OXCT1: variants seen among roughly 807,000 people sequenced by gnomAD.
The protein encoded by OXCT1 is 3-oxoacid CoA-transferase 1, also known as succinyl-CoA:3-ketoacid coenzyme A transferase 1, mitochondrial.
A neutral mutation model predicts 69.6 loss-of-function variants in OXCT1; 27 were observed. That is an observed-to-expected ratio of 0.39 (90% CI 0.29 to 0.54). The LOEUF (loss-of-function observed/expected upper bound fraction) is 0.54. Ranked by LOEUF, OXCT1 falls within the 20% of genes least tolerant of loss-of-function variation. The pLI is 0.72. For synonymous variants in OXCT1, 202 were observed against 217.8 expected, an observed-to-expected ratio of 0.93 and a Z score of 0.64; for missense variants, 437 against 650.2, an observed-to-expected ratio of 0.67 and a Z score of 3.57.
intron 14 of OXCT1, among the ~76,000 whole-genome samples, chr5:41,750,863 T>C (rs2112054698): frequency 6.6e-6 from 1 of 152,222 alleles, no homozygotes; most frequent in African/African-American, 2.4e-5. Context: ...AATAAAGGCA[T>C]GTAAGAATGA....
chr5:41,759,261 A>G (rs540331450), intron 14 of OXCT1, among the ~76,000 whole-genome samples: 98 of 152,150 alleles, frequency 6.4e-4, no homozygotes, highest in African/African-American at 2.3e-3. Flanking sequence ...TAATACCCAT[A>G]TCTCAACCTT....
intron 1 of OXCT1, among the ~76,000 whole-genome samples, 164 bp from the exon 2 acceptor site, chr5:41,862,914 A>G (rs1399870674): frequency 6.6e-6 from 1 of 152,168 alleles, no homozygotes; most frequent in Non-Finnish European, 1.5e-5. Flanking sequence ...GTATATATTT[A>G]TACAGGTAAT....
intron 7 of OXCT1, among the ~76,000 whole-genome samples, chr5:41,815,220 G>C (rs985363812): frequency 2.0e-5 from 3 of 152,066 alleles, no homozygotes; most frequent in Non-Finnish European, 4.4e-5. Flanking sequence ...TTTTTGTAAT[G>C]TGGAAGAATT....
chr5:41,770,765 A>G (rs899254893), intron 13 of OXCT1, among the ~76,000 whole-genome samples: 1 of 152,222 alleles, frequency 6.6e-6, no homozygotes, highest in Non-Finnish European at 1.5e-5. Flanking sequence ...TTCCACTATA[A>G]TAAATATAAC....
intron 3 of OXCT1, among the ~76,000 whole-genome samples, chr5:41,857,732 T>G (rs1749498683): frequency 6.6e-6 from 1 of 152,226 alleles, no homozygotes; most frequent in Non-Finnish European, 1.5e-5. Flanking sequence ...CCAGTGTTCT[T>G]TATTACTCAT....
At chr5:41,792,489 C>A (rs950460417) in intron 13 of OXCT1, among the ~76,000 whole-genome samples, 4 of 152,170 alleles carry the variant, frequency 2.6e-5, no homozygotes, top group African/African-American at 9.7e-5. Context: ...AGTGCTAAAA[C>A]CCAGGGCTTG....
chr5:41,812,380 C>G (rs1168248309), intron 7 of OXCT1, among the ~76,000 whole-genome samples: 1 of 151,728 alleles, frequency 6.6e-6, no homozygotes, highest in Non-Finnish European at 1.5e-5. Flanking sequence ...TCCATTCTGA[C>G]AATATGAAAA....
intron 7 of OXCT1, among the ~76,000 whole-genome samples, chr5:41,815,594 A>G (rs1018267185): frequency 6.6e-6 from 1 of 152,180 alleles, no homozygotes; most frequent in Non-Finnish European, 1.5e-5. Context: ...TTTAAAAAAG[A>G]AATTTTATTA....
intron 14 of OXCT1, among the ~76,000 whole-genome samples, chr5:41,754,753 C>A (rs1313004287): frequency 6.6e-6 from 1 of 151,910 alleles, no homozygotes; most frequent in Non-Finnish European, 1.5e-5. Context: ...AGAGACTCAG[C>A]TAACTTAGAA....
chr5:41,830,615 C>T (rs1007924042), intron 7 of OXCT1, among the ~76,000 whole-genome samples: 4 of 152,186 alleles, frequency 2.6e-5, no homozygotes, highest in Admixed American at 2.0e-4. Flanking sequence ...GAATTTCACA[C>T]AGGAATGAGC....
At chr5:41,822,618 C>T (rs1421570343) in intron 7 of OXCT1, among the ~76,000 whole-genome samples, 3 of 152,220 alleles carry the variant, frequency 2.0e-5, no homozygotes, top group East Asian at 3.9e-4. Flanking sequence ...GAATTACAGG[C>T]GTGTGCCACC....
chr5:41,750,160 T>A (rs987454918), intron 14 of OXCT1, among the ~76,000 whole-genome samples: 6 of 135,976 alleles, frequency 4.4e-5, no homozygotes, highest in African/African-American at 1.7e-4. Flanking sequence ...TTTTTTTTTT[T>A]AGCATTTTCT....
At chr5:41,750,423 G>A (rs1205243483) in intron 14 of OXCT1, among the ~76,000 whole-genome samples, 1 of 151,878 alleles carries the variant, frequency 6.6e-6, no homozygotes, top group African/African-American at 2.4e-5. Flanking sequence ...TGGCTCTGAG[G>A]ATCTGATCTT....
At chr5:41,791,783 C>T (rs796817563) in intron 13 of OXCT1, among the ~76,000 whole-genome samples, 8 of 152,102 alleles carry the variant, frequency 5.3e-5, no homozygotes, top group African/African-American at 1.9e-4. Context: ...GTATCCGCAA[C>T]TTCTTTTTTA....
chr5:41,786,532 A>G (rs1264064764), intron 13 of OXCT1, among the ~76,000 whole-genome samples: 1 of 152,188 alleles, frequency 6.6e-6, no homozygotes, highest in Non-Finnish European at 1.5e-5. Flanking sequence ...TGATTATTAA[A>G]GCATTTTTCA....
At chr5:41,755,537 G>A (rs574174881) in intron 14 of OXCT1, among the ~76,000 whole-genome samples, 6 of 152,174 alleles carry the variant, frequency 3.9e-5, no homozygotes, top group African/African-American at 1.4e-4. Flanking sequence ...CAATGTTGCT[G>A]AAAATTATCT....
intron 13 of OXCT1, among the ~76,000 whole-genome samples, chr5:41,771,143 A>G (rs1744853807): frequency 6.6e-6 from 1 of 152,198 alleles, no homozygotes; most frequent in South Asian, 2.1e-4. Context: ...TTCAAATAAG[A>G]AAAATGAGTT....
chr5:41,866,766 G>A (rs531475607), intron 1 of OXCT1, among the ~76,000 whole-genome samples: 5 of 152,290 alleles, frequency 3.3e-5, no homozygotes, highest in African/African-American at 1.2e-4. Context: ...GTTATTGAGG[G>A]AACATACATG....
chr5:41,869,616 T>A (rs1484153525), intron 1 of OXCT1, among the ~76,000 whole-genome samples: 1 of 152,160 alleles, frequency 6.6e-6, no homozygotes, highest in Admixed American at 6.5e-5. Context: ...TGTCCTCCCC[T>A]GCAGCCCAGG....
Sources: gnomAD v4.1 joint callset for allele counts (sites outside exome capture counted in the v4.1 genomes callset) on GRCh38, gnomAD v4.1.1 for gene constraint, MANE v1.5 for transcripts, NCBI Gene and HGNC (gene_info 2026-07-23, HGNC 2026-07-21) for gene names.